KCNJ6: variants seen among roughly 807,000 people sequenced by gnomAD.
KCNJ6 encodes potassium inwardly rectifying channel subfamily J member 6.
Under a neutral mutation model 34.2 loss-of-function variants are expected in KCNJ6, and 9 were observed. That is an observed-to-expected ratio of 0.26 (90% CI 0.16 to 0.46). KCNJ6 has a LOEUF of 0.46. Among genes scored for constraint, KCNJ6 ranks in the 20% least tolerant of loss-of-function variants. The pLI, the probability that KCNJ6 is intolerant of heterozygous loss-of-function variation, is 1.00. For missense variants in KCNJ6, 236 were observed against 531.3 expected, an observed-to-expected ratio of 0.44 and a Z score of 5.46; for synonymous variants, 196 against 207.1, an observed-to-expected ratio of 0.95 and a Z score of 0.46.
At chr21:37,641,942 T>C (rs750312432) in intron 3 of KCNJ6, among the ~76,000 whole-genome samples, 1 of 152,186 alleles carries the variant, frequency 6.6e-6, no homozygotes, top group African/African-American at 2.4e-5. Flanking sequence ...GAATTATTCA[T>C]GAGGGCCAGT....
intron 1 of KCNJ6, among the ~76,000 whole-genome samples, chr21:37,906,736 T>C (rs1322698209): frequency 1.3e-5 from 2 of 152,154 alleles, no homozygotes; most frequent in Non-Finnish European, 2.9e-5. Flanking sequence ...CCAACACTCC[T>C]TGAGTGCTGA....
intron 1 of KCNJ6, among the ~76,000 whole-genome samples, chr21:37,909,200 A>AT (rs1288726692): frequency 6.6e-6 from 1 of 152,158 alleles, no homozygotes; most frequent in African/African-American, 2.4e-5. Flanking sequence ...GAAATCTTCT[A>AT]TTTTGTTAAA....
intron 1 of KCNJ6, among the ~76,000 whole-genome samples, chr21:37,895,908 T>A (rs1568888186): frequency 6.6e-6 from 1 of 152,254 alleles, no homozygotes; most frequent in Non-Finnish European, 1.5e-5. Context: ...ACAAGTCTGA[T>A]AAATGCCTGC....
intron 1 of KCNJ6, among the ~76,000 whole-genome samples, chr21:37,911,115 T>C (rs958917653): frequency 1.3e-5 from 2 of 152,362 alleles, no homozygotes; most frequent in Middle Eastern, 6.8e-3. Flanking sequence ...CAAGTATATG[T>C]ATATTCTAGT....
intron 2 of KCNJ6, among the ~76,000 whole-genome samples, chr21:37,822,554 C>T (rs1212873918): frequency 6.6e-6 from 1 of 152,288 alleles, no homozygotes; most frequent in East Asian, 1.9e-4. Context: ...AAAAGAAACG[C>T]CTTCTGTGTT....
rs138455913 is a variant in KCNJ6, at chr21:37,884,828, G to A, written c.-28+31056C>T. Among the ~76,000 whole-genome samples the A allele has an allele frequency of 1.2e-3, 188 of 152,256 alleles. 1 individual carries two copies. The highest frequency in any genetic ancestry group is 4.4e-3 in the African/African-American group (184 of 41,558). ...TTAAACCAAGCTAGGCTACTTATGG[G>A]TCCTAAATAATGTGCGTCTCACTTC... On this transcript the variant is annotated intron_variant, in intron 1 of 3. Coordinates refer to ENST00000609713, the MANE Select transcript of KCNJ6 (RefSeq NM_002240.5).
rs2054304477 is a variant in KCNJ6 at position 37,625,062 on chromosome 21, T to A, written c.*97A>T. The stretch of plus-strand genomic sequence containing the variant: ...CATGTAAAAATTAAATATAAACAAA[T>A]AAAGAACAAAGCAAGAGAGACAGAA... On this transcript the variant is annotated 3_prime_UTR_variant, in exon 4 of 4. Coordinates refer to ENST00000609713, the MANE Select transcript of KCNJ6 (RefSeq NM_002240.5). 1.1e-6 allele frequency: 1 copy of A among 942,508 alleles called. No individual in the cohort carries two copies. The highest frequency in any genetic ancestry group is 1.6e-5 in the African/African-American group (1 of 60,632). 58.4% of individuals were successfully genotyped at this position (942,508 alleles called of 1,614,324 possible). A position where few individuals can be genotyped will look rare whatever the true frequency, so the allele number is the denominator to read the frequency against.
chr21:37,667,613 T>C (rs1239644583), intron 3 of KCNJ6, among the ~76,000 whole-genome samples: 1 of 132,314 alleles, frequency 7.6e-6, no homozygotes, highest in Non-Finnish European at 1.7e-5. Flanking sequence ...TAGCGGGGTC[T>C]GGGGTAGCAG....
chr21:37,890,342 C>T (rs575837303), intron 1 of KCNJ6, among the ~76,000 whole-genome samples: 8 of 152,298 alleles, frequency 5.3e-5, no homozygotes, highest in African/African-American at 1.9e-4. Context: ...TCAATTACTT[C>T]CCACCAGGTC....
intron 2 of KCNJ6, among the ~76,000 whole-genome samples, chr21:37,784,037 A>G (rs779190509): frequency 6.6e-6 from 1 of 152,138 alleles, no homozygotes; most frequent in Non-Finnish European, 1.5e-5. Context: ...TGTTTTAGCC[A>G]CTCAGTTTGG....
At chr21:37,649,473 C>T (rs1476162597) in intron 3 of KCNJ6, among the ~76,000 whole-genome samples, 1 of 152,200 alleles carries the variant, frequency 6.6e-6, no homozygotes, top group Non-Finnish European at 1.5e-5. Flanking sequence ...AAAAAGCTCT[C>T]AGCAGCAATC....
At chr21:37,729,865 T>G (rs2054875350) in intron 2 of KCNJ6, among the ~76,000 whole-genome samples, 1 of 152,216 alleles carries the variant, frequency 6.6e-6, no homozygotes, top group Admixed American at 6.5e-5. Context: ...ACAAAGGCAC[T>G]GTATGGGCTA....
At chr21:37,651,817 C>T (rs1424826272) in intron 3 of KCNJ6, among the ~76,000 whole-genome samples, 1 of 152,200 alleles carries the variant, frequency 6.6e-6, no homozygotes, top group Non-Finnish European at 1.5e-5. Context: ...ATAAAGTCTT[C>T]TGGAACTTTA....
rs1478882205 is a variant in KCNJ6, at chr21:37,614,158, G to C, written c.*11001C>G. On this transcript the variant is annotated 3_prime_UTR_variant, in exon 4 of 4. Transcript: ENST00000609713. ...ATACCCAGGACGACATTGCTCATCTGGGGGCAAAACCTGGTCTTCTGAATC... is the reference window on the plus strand; with the variant it reads ...ATACCCAGGACGACATTGCTCATCTCGGGGCAAAACCTGGTCTTCTGAATC... The C allele has an allele frequency of 2.0e-5, 3 of 152,166 alleles. No individual in the cohort carries two copies. Among genetic ancestry groups the C allele is most frequent in the Non-Finnish European group, 4.4e-5 (3 of 68,036 alleles). The allele number at this position is 152,166 out of a possible 1,614,324, so 9.4% of individuals were successfully genotyped here.
chr21:37,807,996 C>T (rs1297062908), intron 2 of KCNJ6, among the ~76,000 whole-genome samples: 1 of 152,184 alleles, frequency 6.6e-6, no homozygotes, highest in East Asian at 1.9e-4. Context: ...AGGATATGTC[C>T]TGGGTGCTAC....
intron 1 of KCNJ6, among the ~76,000 whole-genome samples, chr21:37,863,771 GAA>G: frequency 7.3e-6 from 1 of 136,892 alleles, no homozygotes; most frequent in Non-Finnish European, 1.6e-5. Flanking sequence ...ACTCTTGTAA[GAA>G]AAAAAATGCT....
intron 1 of KCNJ6, among the ~76,000 whole-genome samples, chr21:37,849,540 C>A (rs2055527250): frequency 6.6e-6 from 1 of 152,222 alleles, no homozygotes; most frequent in Admixed American, 6.5e-5. Context: ...CCAACATCCA[C>A]TCTGCACTCC....
At chr21:37,683,860 T>A (rs1218334890) in intron 3 of KCNJ6, among the ~76,000 whole-genome samples, 1 of 151,962 alleles carries the variant, frequency 6.6e-6, no homozygotes, top group Non-Finnish European at 1.5e-5. Flanking sequence ...GCAGCGGGGG[T>A]GAGCTGGCTT....
At chr21:37,643,241 C>G (rs1356961044) in intron 3 of KCNJ6, among the ~76,000 whole-genome samples, 1 of 152,178 alleles carries the variant, frequency 6.6e-6, no homozygotes. Context: ...TACATTGTTT[C>G]TGTAGCAGTC....
Sources: allele counts gnomAD v4.1 joint callset (sites outside exome capture counted in the v4.1 genomes callset), GRCh38; gene constraint gnomAD v4.1.1; transcripts MANE v1.5; gene names NCBI Gene and HGNC (gene_info 2026-07-23, HGNC 2026-07-21).